The following HMGN4 variants were observed in gnomAD, a reference collection of about 807,000 sequenced individuals.
HMGN4 encodes the protein high mobility group nucleosomal binding domain 4.
For synonymous variants in HMGN4, 39 were observed against 39.1 expected (o/e 1.00, Z 0.01); for missense variants, 69 against 104.9 (o/e 0.66, Z 1.49).
intron 1 of HMGN4, among the ~76,000 whole-genome samples, chr6:26,538,776 G>A (rs1764251258): frequency 6.6e-6 from 1 of 152,178 alleles, no homozygotes; most frequent in East Asian, 1.9e-4. Context: ...CCTAATCGGC[G>A]TTCTAGGGGC....
chr6:26,545,605 C>A lies in HMGN4; in HGVS notation c.*126C>A. The A allele has an allele frequency of 1.3e-6, 1 of 750,268 alleles. No homozygotes were observed. Among genetic ancestry groups the A allele is most frequent in the Non-Finnish European group, 2.0e-6 (1 of 496,374 alleles). The allele number at this position is 750,268 out of a possible 1,614,324, so 46.5% of individuals were successfully genotyped here. On this transcript the variant is annotated 3_prime_UTR_variant, in exon 2 of 2. Transcript: ENST00000377575. ...TAAGTTATGTTGTTAGCACACAGGACACTTCCTTGTTGTCTTTTGTGGAAA... is the reference window on the plus strand; with the variant it reads ...TAAGTTATGTTGTTAGCACACAGGAAACTTCCTTGTTGTCTTTTGTGGAAA...
intron 1 of HMGN4, among the ~76,000 whole-genome samples, chr6:26,543,421 CTTTTTTTT>C (rs70977285): frequency 1.2e-5 from 1 of 80,136 alleles, no homozygotes; most frequent in Non-Finnish European, 2.2e-5. Flanking sequence ...GCACCATTAC[CTTTTTTTT>C]TTTTTTTTTT....
At position 26,542,795 on chromosome 6, in the gene HMGN4, A is replaced by AT. The variant is rs1764303096; in HGVS notation, c.-80-2328dup. ...TCCAGGCAGTGGCCTATTTTTCCTG[A>AT]TTTTATTTTGTCACCTGCTGTATTT... On this transcript the variant is annotated intron_variant, in intron 1 of 1. Coordinates refer to ENST00000377575, the MANE Select transcript of HMGN4 (RefSeq NM_006353.3). This position sits in a 1 kb window ranked among gnomAD's most constrained non-coding sequence, Gnocchi z 4.6. Among the ~76,000 whole-genome samples the AT allele has an allele frequency of 6.6e-6, 1 of 152,126 alleles. No individual in the cohort carries two copies. Among genetic ancestry groups the AT allele is most frequent in the South Asian group, 2.1e-4 (1 of 4,834 alleles).
At chr6:26,541,943 T>G (rs1351866243) in intron 1 of HMGN4, among the ~76,000 whole-genome samples, 1 of 152,260 alleles carries the variant, frequency 6.6e-6, no homozygotes, top group Non-Finnish European at 1.5e-5. Flanking sequence ...GGAACTGTTA[T>G]ATTTCTAAAA....
At position 26,546,425 on chromosome 6, in the gene HMGN4, T is replaced by C. The variant is rs991859197; in HGVS notation, c.*946T>C. ...ATATTCGAAGTGGTTGTCTCTGCAC[T>C]ATTTACTGAAAAGTTCATCCTTTCC... is the stretch of plus-strand genomic sequence containing the variant. On this transcript the variant is annotated 3_prime_UTR_variant, in exon 2 of 2. Coordinates refer to ENST00000377575, the MANE Select transcript of HMGN4 (RefSeq NM_006353.3). Among the ~76,000 whole-genome samples, 2 of 152,248 alleles carry C rather than the reference T, an allele frequency of 1.3e-5. No homozygotes were observed. The highest frequency in any genetic ancestry group is 6.5e-5 in the Admixed American group (1 of 15,282).
At position 26,545,154 on chromosome 6, in the gene HMGN4, G is replaced by A. The variant is rs1363750787; in HGVS notation, c.-53G>A. ...ATCTTTCCAGGAACAGCGTGAGGAG[G>A]ACAGAAGCACCCAACAGGACTGCTC... On this transcript the variant is annotated 5_prime_UTR_variant, in exon 2 of 2. Transcript: ENST00000377575. 2.0e-6 allele frequency: 3 copies of A among 1,472,956 alleles called. No homozygotes were observed. In the East Asian group the frequency reaches 7.1e-5, roughly 35 times the overall value. The allele number at this position is 1,472,956 out of a possible 1,614,324, so 91.2% of individuals were successfully genotyped here. A position where few individuals can be genotyped will look rare whatever the true frequency, so the allele number is the denominator to read the frequency against.
In HMGN4 at chr6:26,545,443, G is replaced by C. The variant is rs772935748; in HGVS notation, c.237G>C (p.Gln79His). The stretch of plus-strand genomic sequence containing the variant: ...AAAACCGAGATGCCTCTACACTCCA[G>C]TCCCAGAAAGCGGAAGGCACTGGGG... ...PAKNRDASTL[Q>H]SQKAEGTGDA... The change falls in exon 2 of 2, where the codon CAG becomes CAC. Residue 79 changes from glutamine to histidine, a missense_variant. By Grantham distance (24) the Gln-to-His change is conservative (BLOSUM62 0). Coordinates refer to ENST00000377575, the MANE Select transcript of HMGN4 (RefSeq NM_006353.3). 6.3e-7 allele frequency: 1 copy of C among 1,589,540 alleles called. No homozygotes were observed. The highest frequency in any genetic ancestry group is 2.2e-5 in the East Asian group (1 of 44,670).
At chr6:26,543,386 A>G (rs1015699000) in intron 1 of HMGN4, among the ~76,000 whole-genome samples, 1 of 139,372 alleles carries the variant, frequency 7.2e-6, no homozygotes, top group Non-Finnish European at 1.5e-5. Flanking sequence ...GTGTAGTTAG[A>G]TCAGTAGAAC....
Position 26,542,259 on chromosome 6 carries a change from G to C in HMGN4, c.-80-2868G>C, listed in dbSNP as rs1002775010. ...TTGGTTTACAGAAAATTGAGCAGAA[G>C]ATACAGAGTTCCCACATACTTCCTT... On this transcript the variant is annotated intron_variant, in intron 1 of 1. Coordinates refer to ENST00000377575, the MANE Select transcript of HMGN4 (RefSeq NM_006353.3). This position sits in a 1 kb window ranked among gnomAD's most constrained non-coding sequence, Gnocchi z 4.6. 3.9e-5 allele frequency among the ~76,000 whole-genome samples: 6 copies of C among 152,184 alleles called. No homozygotes were observed. The East Asian group carries it at 1.2e-3, about 29-fold the overall frequency.
rs956749914 is a variant in HMGN4 at position 26,546,137 on chromosome 6, CT to C, written c.*662del. 1.2e-5 allele frequency: 2 copies of C among 167,016 alleles called. No homozygotes were observed. Among genetic ancestry groups the C allele is most frequent in the Admixed American group, 6.5e-5 (1 of 15,274 alleles). 10.3% of individuals were successfully genotyped at this position (167,016 alleles called of 1,614,324 possible). On this transcript the variant is annotated 3_prime_UTR_variant, in exon 2 of 2. Coordinates refer to ENST00000377575, the MANE Select transcript of HMGN4 (RefSeq NM_006353.3). ...CATATCTTGTTAACTTTTACGGTGA[CT>C]TTTGGAGGAGGGGAGTTTGGAAATT...
chr6:26,546,672 A>G lies in HMGN4; in HGVS notation c.*1193A>G, dbSNP rs1333378780. Among the ~76,000 whole-genome samples, 2 of 152,240 alleles carry G rather than the reference A, an allele frequency of 1.3e-5. No individual in the cohort carries two copies. Among genetic ancestry groups the G allele is most frequent in the East Asian group, 1.9e-4 (1 of 5,204 alleles). ...TTTCACCTCTGTCTCCAGTATCACC[A>G]CAAAATTGTTCTTCCTTGGAGTGTC... On this transcript the variant is annotated 3_prime_UTR_variant, in exon 2 of 2. Transcript: ENST00000377575.
intron 1 of HMGN4, among the ~76,000 whole-genome samples, chr6:26,539,705 A>G (rs141612865): frequency 0.012 from 1,843 of 150,486 alleles, 20 homozygotes; most frequent in Non-Finnish European, 0.019. Flanking sequence ...TCTTTTTATC[A>G]TTTTCTTAAA....
chr6:26,545,385 C>T lies in HMGN4; in HGVS notation c.179C>T (p.Ala60Val). ...EKLPKGRKGK[A>V]DAGKDGNNPA... ...CTTCCCAAAGGGAGAAAGGGGAAAGCAGATGCTGGAAAGGATGGGAACAAC... is the reference window on the plus strand; with the variant it reads ...CTTCCCAAAGGGAGAAAGGGGAAAGTAGATGCTGGAAAGGATGGGAACAAC... The change falls in exon 2 of 2, where the codon GCA (alanine) becomes GTA (valine). Residue 60 changes from alanine (A) to valine (V), a missense_variant. Coordinates refer to ENST00000377575, the MANE Select transcript of HMGN4 (RefSeq NM_006353.3). The T allele has an allele frequency of 1.2e-6, 2 of 1,613,910 alleles. No individual in the cohort carries two copies. Among genetic ancestry groups the T allele is most frequent in the Non-Finnish European group, 1.7e-6 (2 of 1,179,948 alleles).
chr6:26,544,854 T>C (rs1275090057), intron 1 of HMGN4, among the ~76,000 whole-genome samples: 1 of 152,210 alleles, frequency 6.6e-6, no homozygotes, highest in Non-Finnish European at 1.5e-5. Flanking sequence ...TTCCAAGAAG[T>C]ACCTGTTAAC....
intron 1 of HMGN4, among the ~76,000 whole-genome samples, chr6:26,539,394 C>T (rs960111571): frequency 7.9e-5 from 12 of 152,140 alleles, no homozygotes; most frequent in African/African-American, 1.9e-4. Context: ...CTCAGGCTCC[C>T]GAGCAGCTGG....
rs564454675 is a variant in HMGN4 at position 26,545,071 on chromosome 6, G to A, written c.-80-56G>A. The A allele has an allele frequency of 1.3e-3, 823 of 627,686 alleles. 5 individuals carry two copies. Among genetic ancestry groups the A allele is most frequent in the Middle Eastern group, 8.7e-3 (29 of 3,336 alleles). 38.9% of individuals were successfully genotyped at this position (627,686 alleles called of 1,614,324 possible). Reference sequence around the variant, plus strand: ...CAATATAGTCAATTTGATTTTTAACGTTTACATTCGTCAGTCTTTCCCTTT... The same window carrying A: ...CAATATAGTCAATTTGATTTTTAACATTTACATTCGTCAGTCTTTCCCTTT... On this transcript the variant is annotated intron_variant, in intron 1 of 1. Transcript: ENST00000377575.
Position 26,546,633 on chromosome 6 carries a change from A to G in HMGN4, c.*1154A>G, listed in dbSNP as rs181240711. ...AACCAAGATGCCTCCACATTTTGTC[A>G]TAATTGTAACCAATTTCACCTCTGT... is the stretch of plus-strand genomic sequence containing the variant. On this transcript the variant is annotated 3_prime_UTR_variant, in exon 2 of 2. Transcript: ENST00000377575. Among the ~76,000 whole-genome samples, 47 of 152,338 alleles carry G rather than the reference A, an allele frequency of 3.1e-4. No homozygotes were observed. The highest frequency in any genetic ancestry group is 2.8e-3 in the Admixed American group (43 of 15,302).
At chr6:26,544,258 T>C (rs1764323312) in intron 1 of HMGN4, among the ~76,000 whole-genome samples, 1 of 152,228 alleles carries the variant, frequency 6.6e-6, no homozygotes, top group South Asian at 2.1e-4. Flanking sequence ...ATCCCTTTTT[T>C]TTTAAGTTTT....
intron 1 of HMGN4, among the ~76,000 whole-genome samples, chr6:26,543,436 T>TTTTTTTTTTTTC (rs1764310580): frequency 7.2e-6 from 1 of 138,272 alleles, no homozygotes; most frequent in Non-Finnish European, 1.5e-5. Flanking sequence ...TTTTTTTTTT[T>TTTTTTTTTTTTC]TTTGAAGCAG....
Sources: gnomAD v4.1 joint callset for allele counts (sites outside exome capture counted in the v4.1 genomes callset) on GRCh38, gnomAD v4.1.1 for gene constraint, Gnocchi (gnomAD v3.1) non-coding constraint, MANE v1.5 for transcripts, NCBI Gene and HGNC (gene_info 2026-07-23, HGNC 2026-07-21) for gene names.